The following PSD3 variants were observed in gnomAD, a reference collection of about 807,000 sequenced individuals.
The protein encoded by PSD3 is PH and SEC7 domain-containing protein 3.
PSD3 carries 49 observed loss-of-function variants against 105.5 expected under a neutral mutation model. The observed-to-expected ratio is 0.46, with a 90% CI of 0.37 to 0.59. The LOEUF is 0.59. Among genes scored for constraint, PSD3 ranks in the 20% least tolerant of loss-of-function variants. The probability of loss-of-function intolerance (pLI) is 0.00; values close to 1 mark genes in which losing one functional copy is unlikely to be tolerated. For missense variants in PSD3, 1,561 were observed against 1,263.8 expected (o/e 1.24, Z -3.57); for synonymous variants, 557 against 457.8 (o/e 1.22, Z -2.77).
At chr8:18,580,035 T>G (rs1802707298) in intron 12 of PSD3, among the ~76,000 whole-genome samples, 1 of 152,248 alleles carries the variant, frequency 6.6e-6, no homozygotes, top group Non-Finnish European at 1.5e-5. Context: ...ATTCATGGTT[T>G]TGAAACTGGC....
chr8:18,900,510 T>C (rs1294823884), intron 2 of PSD3, among the ~76,000 whole-genome samples: 7 of 152,154 alleles, frequency 4.6e-5, no homozygotes, highest in South Asian at 2.1e-4. Context: ...TATAACATCA[T>C]GAATTTTCCC....
At chr8:18,941,819 C>T (rs745600889) in intron 1 of PSD3, among the ~76,000 whole-genome samples, 11 of 150,656 alleles carry the variant, frequency 7.3e-5, no homozygotes, top group Admixed American at 4.6e-4. Flanking sequence ...ATTACAAGCA[C>T]GCATCACCAT....
intron 15 of PSD3, among the ~76,000 whole-genome samples, chr8:18,543,515 G>C (rs1164371389): frequency 2.6e-5 from 4 of 152,052 alleles, no homozygotes; most frequent in Admixed American, 2.6e-4. Context: ...CTACTCGGGA[G>C]GCTGAGGCAG....
At chr8:18,941,665 C>CTTTTTTT (rs869259596) in intron 1 of PSD3, among the ~76,000 whole-genome samples, 1 of 107,738 alleles carries the variant, frequency 9.3e-6, no homozygotes. Context: ...TGTAGAATGA[C>CTTTTTTT]TTTTTTTTTT....
intron 4 of PSD3, 139 bp from the exon 5 acceptor site, chr8:18,805,037 A>T: frequency 1.3e-6 from 1 of 775,032 alleles, no homozygotes; most frequent in Non-Finnish European, 2.0e-6. Context: ...TATTCATAAA[A>T]ATTTTTTCAG....
At chr8:18,904,493 G>A (rs967191102) in intron 2 of PSD3, among the ~76,000 whole-genome samples, 1 of 152,176 alleles carries the variant, frequency 6.6e-6, no homozygotes, top group African/African-American at 2.4e-5. Flanking sequence ...GGAACTTCAA[G>A]GTTTAATGTC....
At chr8:18,985,688 T>C (rs1396519547) in intron 1 of PSD3, among the ~76,000 whole-genome samples, 1 of 152,156 alleles carries the variant, frequency 6.6e-6, no homozygotes, top group Non-Finnish European at 1.5e-5. Context: ...CTTCTGGGAT[T>C]TGACTACTAA....
At chr8:18,907,151 T>C (rs112769821) in intron 2 of PSD3, among the ~76,000 whole-genome samples, 1,646 of 152,284 alleles carry the variant, frequency 0.011, 31 homozygotes, top group African/African-American at 0.038. Context: ...GAAAGATAAA[T>C]ATTTTTTATA....
At chr8:18,694,743 A>G (rs751468793) in intron 9 of PSD3, among the ~76,000 whole-genome samples, 1 of 152,090 alleles carries the variant, frequency 6.6e-6, no homozygotes. Flanking sequence ...TGGGAGGCCA[A>G]GACAGGCGGA....
At chr8:18,933,876 G>A (rs901716427) in intron 2 of PSD3, among the ~76,000 whole-genome samples, 1 of 152,104 alleles carries the variant, frequency 6.6e-6, no homozygotes, top group Non-Finnish European at 1.5e-5. Flanking sequence ...GAATAGTTAG[G>A]TACTTATGAT....
At chr8:18,799,902 A>G (rs777484543) in intron 7 of PSD3, among the ~76,000 whole-genome samples, 2 of 152,206 alleles carry the variant, frequency 1.3e-5, no homozygotes, top group African/African-American at 2.4e-5. Context: ...ATGCAGTAAA[A>G]ATCTTTTCAA....
chr8:18,695,352 A>G (rs913346897), intron 9 of PSD3, among the ~76,000 whole-genome samples: 1 of 152,208 alleles, frequency 6.6e-6, no homozygotes, highest in Admixed American at 6.5e-5. Context: ...CATGAAGTAA[A>G]AAGATAACAG....
intron 4 of PSD3, among the ~76,000 whole-genome samples, chr8:18,834,916 G>T (rs140183906): frequency 6.6e-6 from 1 of 152,118 alleles, no homozygotes; most frequent in Non-Finnish European, 1.5e-5. Flanking sequence ...GACCAAAACA[G>T]ATGTGAGCAA....
chr8:19,019,566 A>G (rs937892378), intron 1 of PSD3, among the ~76,000 whole-genome samples: 1 of 152,184 alleles, frequency 6.6e-6, no homozygotes, highest in African/African-American at 2.4e-5. Context: ...AATACAGAAC[A>G]TAAGTGCCAG....
At chr8:18,781,024 G>T (rs939343657) in intron 8 of PSD3, among the ~76,000 whole-genome samples, 2 of 151,820 alleles carry the variant, frequency 1.3e-5, no homozygotes, top group Non-Finnish European at 2.9e-5. Flanking sequence ...TCTTCCCCAG[G>T]TATAATATTT....
chr8:18,632,801 T>G lies in PSD3; in HGVS notation c.2222A>C (p.Asp741Ala). 1 of 1,564,372 alleles carries G rather than the reference T, an allele frequency of 6.4e-7. No individual in the cohort carries two copies. ...KNEKLEWAVDDEEKKKSPSES... is the reference protein window; with the variant it reads ...KNEKLEWAVDAEEKKKSPSES... ...TGAGGGAGACTTTTTTTTCTCTTCA[T>G]CATCTCTAAAAGGGAGAAAGCACAA... The change falls in exon 11 of 16, where the codon GAT (aspartate) becomes GCT (alanine). Residue 741 changes from aspartate to alanine, a missense_variant. Asp to Ala is a moderately radical substitution (Grantham distance 126, BLOSUM62 -2). Coordinates refer to ENST00000327040, the MANE Select transcript of PSD3 (RefSeq NM_015310.4).
chr8:18,859,495 G>A (rs886480336), intron 4 of PSD3, among the ~76,000 whole-genome samples: 1 of 152,154 alleles, frequency 6.6e-6, no homozygotes. Context: ...GCGATGCCTC[G>A]TACTCTCTAG....
intron 14 of PSD3, among the ~76,000 whole-genome samples, chr8:18,570,421 T>C (rs1408033985): frequency 8.2e-6 from 1 of 121,866 alleles, no homozygotes; most frequent in Non-Finnish European, 1.7e-5. Flanking sequence ...AAGGACTTCA[T>C]GTCTAAAACA....
intron 15 of PSD3, among the ~76,000 whole-genome samples, chr8:18,540,444 T>C (rs1185294350): frequency 1.3e-5 from 2 of 152,186 alleles, no homozygotes; most frequent in African/African-American, 4.8e-5. Context: ...ATTAGCACTC[T>C]AGTACTTAGG....
Sources: gnomAD v4.1 joint callset for allele counts (sites outside exome capture counted in the v4.1 genomes callset) on GRCh38, gnomAD v4.1.1 for gene constraint, MANE v1.5 for transcripts, NCBI Gene and HGNC (gene_info 2026-07-23, HGNC 2026-07-21) for gene names.